The following GPR137B variants were observed in gnomAD, a reference collection of about 807,000 sequenced individuals.
GPR137B encodes integral membrane protein GPR137B.
In GPR137B, 42 loss-of-function variants were observed where a neutral mutation model predicts 42.5. That is an observed-to-expected ratio of 0.99 (90% confidence interval 0.77 to 1.28). The LOEUF is 1.28. Ranked by LOEUF, GPR137B falls within the 50% of genes most tolerant of loss-of-function variation. GPR137B has a pLI of 0.00. For synonymous variants in GPR137B, 218 were observed against 209.7 expected (o/e 1.04, Z -0.34); for missense variants, 487 against 493.9 (o/e 0.99, Z 0.13).
intron 5 of GPR137B, among the ~76,000 whole-genome samples, chr1:236,190,435 T>G (rs1036173991): frequency 1.3e-5 from 2 of 152,226 alleles, no homozygotes; most frequent in Non-Finnish European, 2.9e-5. Context: ...GTTGACGGGC[T>G]TTACAATTTG....
At chr1:236,170,661 A>AT (rs1187314670) in intron 2 of GPR137B, among the ~76,000 whole-genome samples, 1 of 152,140 alleles carries the variant, frequency 6.6e-6, no homozygotes, top group East Asian at 1.9e-4. Context: ...CAGATTTCAG[A>AT]TTTTTTTGGA....
At position 236,192,493 on chromosome 1, in the gene GPR137B, G is replaced by A. The variant is rs142558772; in HGVS notation, c.966+8587G>A. Among the ~76,000 whole-genome samples the A allele has an allele frequency of 1.4e-3, 216 of 152,254 alleles. 3 individuals are homozygous for A. The highest frequency in any genetic ancestry group is 5.0e-3 in the African/African-American group (206 of 41,542). On this transcript the variant is annotated intron_variant, in intron 5 of 6. Coordinates refer to ENST00000366592, the MANE Select transcript of GPR137B (RefSeq NM_003272.4). ...AGGTAGGCACCAGAGGGAATCTCCT[G>A]GTCTGCGGGTTGTGAAGACTGTCGG...
rs563401862 is a variant in GPR137B at position 236,208,630 on chromosome 1, G to A, written c.*472G>A. 4.1e-6 allele frequency: 4 copies of A among 985,592 alleles called. No individual in the cohort carries two copies. The South Asian group carries it at 1.9e-4, about 46-fold the overall frequency. The allele number at this position is 985,592 out of a possible 1,614,324, so 61.1% of individuals were successfully genotyped here. On this transcript the variant is annotated 3_prime_UTR_variant, in exon 7 of 7. Coordinates refer to ENST00000366592, the MANE Select transcript of GPR137B (RefSeq NM_003272.4). ...ACTGATGGTCACTCCGATTCTGAGTGCCACATTGGTAGACTCCTAAAATAC... is the reference window on the plus strand; with the variant it reads ...ACTGATGGTCACTCCGATTCTGAGTACCACATTGGTAGACTCCTAAAATAC...
At chr1:236,164,707 CG>C (rs1432580653) in intron 1 of GPR137B, among the ~76,000 whole-genome samples, 2 of 151,878 alleles carry the variant, frequency 1.3e-5, no homozygotes, top group Non-Finnish European at 2.9e-5. Context: ...ATTATATGTG[CG>C]TTTGTTGATA....
chr1:236,162,617 C>T (rs1014167412), intron 1 of GPR137B, among the ~76,000 whole-genome samples: 2 of 152,220 alleles, frequency 1.3e-5, no homozygotes, highest in Non-Finnish European at 2.9e-5. Context: ...TGCCCTGTGT[C>T]CCAGCTGCTC....
At chr1:236,154,030 C>G (rs1304551095) in intron 1 of GPR137B, among the ~76,000 whole-genome samples, 1 of 152,004 alleles carries the variant, frequency 6.6e-6, no homozygotes, top group East Asian at 1.9e-4. Flanking sequence ...TCCTAGGGCC[C>G]CTTCCTTGGG....
chr1:236,173,359 G>A (rs1211182982), intron 2 of GPR137B, among the ~76,000 whole-genome samples: 3 of 147,466 alleles, frequency 2.0e-5, no homozygotes, highest in Non-Finnish European at 4.5e-5. Flanking sequence ...AGAGAGAAAG[G>A]AAGAAACGAA....
chr1:236,186,437 A>G (rs1159118861), intron 5 of GPR137B, among the ~76,000 whole-genome samples: 1 of 144,704 alleles, frequency 6.9e-6, no homozygotes, highest in Non-Finnish European at 1.5e-5. Flanking sequence ...TGCTGCACCC[A>G]TCAACCCATC....
chr1:236,185,113 A>G (rs1662987274), intron 5 of GPR137B, among the ~76,000 whole-genome samples: 1 of 152,218 alleles, frequency 6.6e-6, no homozygotes, highest in Non-Finnish European at 1.5e-5. Context: ...TTTCTCTGGC[A>G]TCATAAGGTT....
At chr1:236,200,878 C>G (rs1663475074) in intron 5 of GPR137B, among the ~76,000 whole-genome samples, 1 of 150,250 alleles carries the variant, frequency 6.7e-6, no homozygotes, top group South Asian at 2.1e-4. Flanking sequence ...TTTTATTCAT[C>G]ATGCCAGTTG....
intron 1 of GPR137B, among the ~76,000 whole-genome samples, chr1:236,143,717 GGCTCTTTTACA>G (rs1272498142): frequency 6.6e-6 from 1 of 152,068 alleles, no homozygotes; most frequent in Non-Finnish European, 1.5e-5. Flanking sequence ...AGCTGACTGG[GGCTCTTTTACA>G]GCCACACAAA....
At chr1:236,169,861 G>A (rs538735121) in intron 2 of GPR137B, among the ~76,000 whole-genome samples, 1 of 152,098 alleles carries the variant, frequency 6.6e-6, no homozygotes, top group Non-Finnish European at 1.5e-5. Context: ...CCAACATAGT[G>A]AAACCCTGTC....
Position 236,142,805 on chromosome 1 carries a change from C to A in GPR137B, c.183C>A (p.Tyr61Ter). The A allele has an allele frequency of 3.1e-6, 5 of 1,613,946 alleles. No homozygotes were observed. Among genetic ancestry groups the A allele is most frequent in the Non-Finnish European group, 4.2e-6 (5 of 1,179,850 alleles). The change falls in exon 1 of 7, where the codon TAC becomes TAA. Residue 61 changes from tyrosine (Y) to a stop codon, truncating the protein, a stop_gained. Coordinates refer to ENST00000366592, the MANE Select transcript of GPR137B (RefSeq NM_003272.4). LOFTEE classifies it high-confidence loss of function. ...VFYALLFVFI[Y>*]VQLWLVLRYR... ...ACGCGCTGCTCTTCGTGTTCATCTA[C>A]GTGCAGCTCTGGCTGGTGCTGCGTT...
intron 1 of GPR137B, among the ~76,000 whole-genome samples, chr1:236,145,592 T>C (rs569685971): frequency 1.3e-5 from 2 of 152,244 alleles, no homozygotes; most frequent in Non-Finnish European, 2.9e-5. Context: ...CTCTTGACCT[T>C]GTGATCTGTC....
At chr1:236,152,308 A>G (rs922568584) in intron 1 of GPR137B, among the ~76,000 whole-genome samples, 1 of 151,974 alleles carries the variant, frequency 6.6e-6, no homozygotes, top group Non-Finnish European at 1.5e-5. Flanking sequence ...CAAAAAATTA[A>G]AAAATTAGCC....
intron 1 of GPR137B, among the ~76,000 whole-genome samples, chr1:236,143,303 C>T (rs1384383679): frequency 6.6e-6 from 1 of 152,274 alleles, no homozygotes; most frequent in African/African-American, 2.4e-5. Context: ...GGCTCCGCAT[C>T]GTGCGGTGGA....
intron 1 of GPR137B, among the ~76,000 whole-genome samples, chr1:236,157,995 G>A (rs1208841364): frequency 2.2e-4 from 34 of 152,078 alleles, no homozygotes; most frequent in Admixed American, 2.1e-3. Context: ...TATCTTTCAC[G>A]AATCCAGATT....
chr1:236,179,354 C>A (rs1180746335), intron 3 of GPR137B, among the ~76,000 whole-genome samples: 3 of 152,160 alleles, frequency 2.0e-5, no homozygotes, highest in Non-Finnish European at 4.4e-5. Flanking sequence ...AGCTTCATAA[C>A]GTGGGGCACA....
intron 2 of GPR137B, among the ~76,000 whole-genome samples, chr1:236,168,986 C>T (rs915671500): frequency 2.6e-5 from 4 of 152,198 alleles, no homozygotes; most frequent in African/African-American, 9.6e-5. Context: ...TTACCCAGTT[C>T]AGAAACAAGA....
Sources: allele counts gnomAD v4.1 joint callset (sites outside exome capture counted in the v4.1 genomes callset), GRCh38; gene constraint gnomAD v4.1.1; transcripts MANE v1.5; gene names NCBI Gene and HGNC (gene_info 2026-07-23, HGNC 2026-07-21).